AMMECR1L: variants seen among roughly 807,000 people sequenced by gnomAD.
The protein encoded by AMMECR1L is AMMECR1-like protein.
In AMMECR1L, 4 loss-of-function variants were observed where a neutral mutation model predicts 36.8. That is an observed-to-expected ratio of 0.11 (90% CI 0.05 to 0.25). The LOEUF (loss-of-function observed/expected upper bound fraction) is 0.25, where lower values mean the gene tolerates loss of function less well. Ranked by LOEUF, AMMECR1L falls within the 10% of genes least tolerant of loss-of-function variation. The pLI, the probability that AMMECR1L is intolerant of heterozygous loss-of-function variation, is 1.00. For missense variants in AMMECR1L, 232 were observed against 392.1 expected, an observed-to-expected ratio of 0.59 and a Z score of 3.45; for synonymous variants, 147 against 148.0, an observed-to-expected ratio of 0.99 and a Z score of 0.05.
At chr2:127,879,651 A>G (rs2405635) in intron 2 of AMMECR1L, among the ~76,000 whole-genome samples, 75,385 of 151,980 alleles carry the variant, frequency 0.5, 19,911 homozygotes, top group African/African-American at 0.68. Context: ...CACTATCAAC[A>G]AATTTCATCG....
At position 127,873,887 on chromosome 2, in the gene AMMECR1L, G is replaced by A. The variant is rs371753833; in HGVS notation, c.348C>T (p.Leu116=). 27 of 1,614,096 alleles carry A rather than the reference G, an allele frequency of 1.7e-5. No homozygotes were observed. The highest frequency in any genetic ancestry group is 2.1e-5 in the Non-Finnish European group (25 of 1,180,048). The change falls in exon 3 of 8, where the codon CTC becomes CTT. Residue 116 remains leucine (L), a synonymous_variant. Transcript: ENST00000272647. This position sits in a 1 kb window ranked among gnomAD's most constrained non-coding sequence, Gnocchi z 5.2. Reference sequence around the variant, plus strand: ...GTGGGAAGCCATAGAGGTGACAGTAGAGTACGTCGAAGCAGTAGCAGCACA... The same window carrying A: ...GTGGGAAGCCATAGAGGTGACAGTAAAGTACGTCGAAGCAGTAGCAGCACA... ...AEMCCYCFDV[L]YCHLYGFPQP...
rs1483677326 is a variant in AMMECR1L at position 127,871,598 on chromosome 2, T to C, written c.408-239A>G. Among the ~76,000 whole-genome samples the C allele has an allele frequency of 1.3e-5, 2 of 152,230 alleles. No individual in the cohort carries two copies. The highest frequency in any genetic ancestry group is 4.8e-5 in the African/African-American group (2 of 41,458). On this transcript the variant is annotated intron_variant, in intron 3 of 7. Coordinates refer to ENST00000272647, the MANE Select transcript of AMMECR1L (RefSeq NM_001199140.2). This position sits in a 1 kb window ranked among gnomAD's most constrained non-coding sequence, Gnocchi z 4.3. Reference sequence around the variant, plus strand: ...GTGTAGTGGTTCCCATGTTCCATGCTGACAGCTTTAATTCACTTTGCCGCC... The same window carrying C: ...GTGTAGTGGTTCCCATGTTCCATGCCGACAGCTTTAATTCACTTTGCCGCC...
rs1691105338 is a variant in AMMECR1L, at chr2:127,873,882, C to T, written c.353G>A (p.Cys118Tyr). 6.2e-7 allele frequency: 1 copy of T among 1,614,204 alleles called. No homozygotes were observed. The highest frequency in any genetic ancestry group is 8.5e-7 in the Non-Finnish European group (1 of 1,180,046). The change falls in exon 3 of 8, where the codon TGT (cysteine) becomes TAT (tyrosine). Residue 118 changes from cysteine to tyrosine, a missense_variant. Transcript: ENST00000272647. The surrounding 1 kb of genome is among the most constrained non-coding windows in gnomAD (Gnocchi z 5.2). ...MCCYCFDVLY[C>Y]HLYGFPQPRL... is the part of the protein sequence containing the mutation. Reference sequence around the variant, plus strand: ...TGGCTGTGGGAAGCCATAGAGGTGACAGTAGAGTACGTCGAAGCAGTAGCA... The same window carrying T: ...TGGCTGTGGGAAGCCATAGAGGTGATAGTAGAGTACGTCGAAGCAGTAGCA...
In AMMECR1L at chr2:127,873,820, T is replaced by C. The variant is rs1226930704; in HGVS notation, c.407+8A>G. 1.2e-6 allele frequency: 2 copies of C among 1,613,848 alleles called. No individual in the cohort carries two copies. The highest frequency in any genetic ancestry group is 1.3e-5 in the African/African-American group (1 of 75,046). On this transcript the variant is annotated splice_region_variant and intron_variant, in intron 3 of 7. Coordinates refer to ENST00000272647, the MANE Select transcript of AMMECR1L (RefSeq NM_001199140.2). The surrounding 1 kb of genome is among the most constrained non-coding windows in gnomAD (Gnocchi z 5.2). ...TTCCTCAGTGCCCCCAGCACATGAT[T>C]TACTCACTAGGGGTCATTGGTGAAT...
In AMMECR1L at chr2:127,869,010, A is replaced by T. The variant is rs1690835313; in HGVS notation, c.724+444T>A. 2.0e-5 allele frequency among the ~76,000 whole-genome samples: 3 copies of T among 152,322 alleles called. No individual in the cohort carries two copies. The South Asian group carries it at 6.2e-4, about 32-fold the overall frequency. On this transcript the variant is annotated intron_variant, in intron 6 of 7. Coordinates refer to ENST00000272647, the MANE Select transcript of AMMECR1L (RefSeq NM_001199140.2). The surrounding 1 kb of genome is among the most constrained non-coding windows in gnomAD (Gnocchi z 4.7). Reference sequence around the variant, plus strand: ...AATGCTGGGATTATAGGAGTAAGCCACCACGCCTGGCCGACTACTGAGTTC... The same window carrying T: ...AATGCTGGGATTATAGGAGTAAGCCTCCACGCCTGGCCGACTACTGAGTTC...
At chr2:127,868,620 T>C (rs940055697) in intron 6 of AMMECR1L, among the ~76,000 whole-genome samples, 2 of 152,152 alleles carry the variant, frequency 1.3e-5, no homozygotes, top group African/African-American at 4.8e-5. Context: ...TATCACAGAA[T>C]GCACAAGCAA....
intron 1 of AMMECR1L, chr2:127,885,325 C>A (rs1235920315): frequency 2.0e-6 from 2 of 983,322 alleles, no homozygotes; most frequent in Non-Finnish European, 2.4e-6. Flanking sequence ...GGGTCCGGGG[C>A]GCTGGGGAGT....
Position 127,871,745 on chromosome 2 carries a change from T to G in AMMECR1L, c.408-386A>C, listed in dbSNP as rs995069894. Among the ~76,000 whole-genome samples, 3 of 152,164 alleles carry G rather than the reference T, an allele frequency of 2.0e-5. No individual in the cohort carries two copies. The East Asian group carries it at 5.8e-4, about 29-fold the overall frequency. ...CCATGCTCCCCCGCTCCGTCTTTCA[T>G]GATGACACGCCTCACCTGCACAGCC... On this transcript the variant is annotated intron_variant, in intron 3 of 7. Coordinates refer to ENST00000272647, the MANE Select transcript of AMMECR1L (RefSeq NM_001199140.2). The surrounding 1 kb of genome is among the most constrained non-coding windows in gnomAD (Gnocchi z 4.3).
At chr2:127,876,477 T>C (rs991063379) in intron 2 of AMMECR1L, among the ~76,000 whole-genome samples, 1 of 152,108 alleles carries the variant, frequency 6.6e-6, no homozygotes, top group Non-Finnish European at 1.5e-5. Context: ...GAGAAAGTCT[T>C]ACATACTCAA....
intron 2 of AMMECR1L, among the ~76,000 whole-genome samples, chr2:127,880,372 C>G (rs1691436449): frequency 6.6e-6 from 1 of 152,150 alleles, no homozygotes; most frequent in African/African-American, 2.4e-5. Flanking sequence ...CATACCTCAA[C>G]AAAAAGCTGG....
In AMMECR1L at chr2:127,869,426, T is replaced by C. The variant is rs1226061560; in HGVS notation, c.724+28A>G. The C allele has an allele frequency of 2.5e-6, 4 of 1,579,416 alleles. No homozygotes were observed. The highest frequency in any genetic ancestry group is 2.6e-6 in the Non-Finnish European group (3 of 1,148,322). ...CTGGCACCACTGTGAATGATACTTG[T>C]CATTAAAATCCCATTCATCCAACTC... is the stretch of plus-strand genomic sequence containing the variant. On this transcript the variant is annotated intron_variant, in intron 6 of 7. Transcript: ENST00000272647. This position sits in a 1 kb window ranked among gnomAD's most constrained non-coding sequence, Gnocchi z 4.7.
At chr2:127,867,067 G>C in intron 6 of AMMECR1L, 71 bp from the exon 7 acceptor site, 1 of 1,598,940 alleles carries the variant, frequency 6.3e-7, no homozygotes. Flanking sequence ...CATGGCCCGT[G>C]CAAGAAGAGA....
chr2:127,864,773 G>A lies in AMMECR1L; in HGVS notation c.*321C>T, dbSNP rs1265254071. ...TCATCAATTTCAGCTTCCAGCGTGTGGCCAATACCCCATGTGGCAAATACC... is the reference window on the plus strand; with the variant it reads ...TCATCAATTTCAGCTTCCAGCGTGTAGCCAATACCCCATGTGGCAAATACC... On this transcript the variant is annotated 3_prime_UTR_variant, in exon 8 of 8. Transcript: ENST00000272647. The A allele has an allele frequency of 5.2e-6, 1 of 191,550 alleles. No homozygotes were observed. The highest frequency in any genetic ancestry group is 6.0e-5 in the Admixed American group (1 of 16,600). The allele number at this position is 191,550 out of a possible 1,614,324, so 11.9% of individuals were successfully genotyped here.
chr2:127,864,761 C>A lies in AMMECR1L; in HGVS notation c.*333G>T. 1 of 176,134 alleles carries A rather than the reference C, an allele frequency of 5.7e-6. No individual in the cohort carries two copies. The highest frequency in any genetic ancestry group is 1.7e-4 in the South Asian group (1 of 5,996). 10.9% of individuals were successfully genotyped at this position (176,134 alleles called of 1,614,324 possible). ...AACCTTCAGGGATCATCAATTTCAG[C>A]TTCCAGCGTGTGGCCAATACCCCAT... On this transcript the variant is annotated 3_prime_UTR_variant, in exon 8 of 8. Coordinates refer to ENST00000272647, the MANE Select transcript of AMMECR1L (RefSeq NM_001199140.2).
chr2:127,870,738 G>T, intron 5 of AMMECR1L, 76 bp downstream of exon 5: 1 of 1,103,100 alleles, frequency 9.1e-7, no homozygotes, highest in Non-Finnish European at 1.3e-6. Flanking sequence ...TCTCAATGAA[G>T]GAGATACATT....
rs1691087588 is a variant in AMMECR1L, at chr2:127,873,525, A to G, written c.407+303T>C. The G allele has an allele frequency of 1.0e-6, 1 of 985,326 alleles. No homozygotes were observed. Among genetic ancestry groups the G allele is most frequent in the African/African-American group, 1.7e-5 (1 of 57,230 alleles). The allele number at this position is 985,326 out of a possible 1,614,324, so 61.0% of individuals were successfully genotyped here. ...GTATGGCGTGACTTCCCCACTTGAGAGGTTAAATGCCATACCCACTGCCAT... is the reference window on the plus strand; with the variant it reads ...GTATGGCGTGACTTCCCCACTTGAGGGGTTAAATGCCATACCCACTGCCAT... On this transcript the variant is annotated intron_variant, in intron 3 of 7. Coordinates refer to ENST00000272647, the MANE Select transcript of AMMECR1L (RefSeq NM_001199140.2). This position sits in a 1 kb window ranked among gnomAD's most constrained non-coding sequence, Gnocchi z 5.2.
intron 6 of AMMECR1L, chr2:127,867,420 G>A: frequency 1.3e-5 from 9 of 706,824 alleles, no homozygotes; most frequent in Non-Finnish European, 1.6e-5. Flanking sequence ...ATGATTTTTG[G>A]AGTCCTGTTT....
At chr2:127,867,071 G>A in intron 6 of AMMECR1L, 75 bp from the exon 7 acceptor site, 1 of 1,596,338 alleles carries the variant, frequency 6.3e-7, no homozygotes, top group Non-Finnish European at 8.5e-7. Context: ...GCCCGTGCAA[G>A]AAGAGAAATG....
chr2:127,869,411 T>C lies in AMMECR1L; in HGVS notation c.724+43A>G, dbSNP rs373584774. ...TTTCTTGCCCTTTAACTGGCACCACTGTGAATGATACTTGTCATTAAAATC... is the reference window on the plus strand; with the variant it reads ...TTTCTTGCCCTTTAACTGGCACCACCGTGAATGATACTTGTCATTAAAATC... On this transcript the variant is annotated intron_variant, in intron 6 of 7. Coordinates refer to ENST00000272647, the MANE Select transcript of AMMECR1L (RefSeq NM_001199140.2). The surrounding 1 kb of genome is among the most constrained non-coding windows in gnomAD (Gnocchi z 4.7). 5.1e-6 allele frequency: 8 copies of C among 1,553,668 alleles called. No individual in the cohort carries two copies. The highest frequency in any genetic ancestry group is 7.1e-6 in the Non-Finnish European group (8 of 1,125,050).
Sources: gnomAD v4.1 joint callset for allele counts (sites outside exome capture counted in the v4.1 genomes callset) on GRCh38, gnomAD v4.1.1 for gene constraint, Gnocchi (gnomAD v3.1) non-coding constraint, MANE v1.5 for transcripts, NCBI Gene and HGNC (gene_info 2026-07-23, HGNC 2026-07-21) for gene names.